The following FKRP variants were observed in gnomAD, a reference collection of about 807,000 sequenced individuals.
FKRP encodes ribitol 5-phosphate transferase FKRP.
Under a neutral mutation model 30.6 loss-of-function variants are expected in FKRP, and 25 were observed. The observed-to-expected ratio is 0.82, with a 90% CI of 0.60 to 1.14. The LOEUF is 1.14. Ranked by LOEUF, FKRP falls within the 50% of genes most tolerant of loss-of-function variation. The pLI is 0.00. For synonymous variants in FKRP, 358 were observed against 342.5 expected (o/e 1.05, Z -0.50); for missense variants, 771 against 727.8 (o/e 1.06, Z -0.68).
At position 46,746,095 on chromosome 19, in the gene FKRP, G is replaced by T; in HGVS notation, c.-253+5G>T. The T allele has an allele frequency of 7.3e-7, 1 of 1,369,236 alleles. No individual in the cohort carries two copies. The highest frequency in any genetic ancestry group is 9.4e-7 in the Non-Finnish European group (1 of 1,058,996). The allele number at this position is 1,369,236 out of a possible 1,614,324, so 84.8% of individuals were successfully genotyped here. A position where few individuals can be genotyped will look rare whatever the true frequency, so the allele number is the denominator to read the frequency against. On this transcript the variant is annotated splice_donor_5th_base_variant and intron_variant, in intron 1 of 3. Coordinates refer to ENST00000318584, the MANE Select transcript of FKRP (RefSeq NM_024301.5). ...TGGCGGCGGCGGCGGCAGCGGGTGAGGCCGGGCCGGGCCGGGCCGGGTTGG... is the reference window on the plus strand; with the variant it reads ...TGGCGGCGGCGGCGGCAGCGGGTGATGCCGGGCCGGGCCGGGCCGGGTTGG...
intron 3 of FKRP, among the ~76,000 whole-genome samples, chr19:46,755,113 T>A (rs1197061149): frequency 6.7e-6 from 1 of 149,512 alleles, no homozygotes; most frequent in African/African-American, 2.5e-5. Flanking sequence ...ATCAAACAAC[T>A]CCCCATTCCC....
At chr19:46,750,306 A>G (rs1282506830) in intron 3 of FKRP, among the ~76,000 whole-genome samples, 1 of 151,906 alleles carries the variant, frequency 6.6e-6, no homozygotes, top group Admixed American at 6.6e-5. Context: ...AGCAGGTGGC[A>G]CCTCTTCATC....
intron 3 of FKRP, among the ~76,000 whole-genome samples, chr19:46,752,415 C>T (rs2054811993): frequency 1.3e-5 from 2 of 152,160 alleles, no homozygotes; most frequent in South Asian, 4.1e-4. Flanking sequence ...GGGAGCTCCA[C>T]AAGGGCAGGA....
upstream of FKRP, chr19:46,745,950 C>G: frequency 3.7e-6 from 2 of 543,588 alleles, no homozygotes; most frequent in Non-Finnish European, 5.6e-6. Flanking sequence ...CCGTCCCGGT[C>G]CCGTCCCACC....
Position 46,757,497 on chromosome 19 carries a change from C to G in FKRP, c.*559C>G, listed in dbSNP as rs940679950. Reference sequence around the variant, plus strand: ...CCGCCACTAGAGGGCGCGCCGGTCCCGCTCCTGGTGGCCCACTGTGGCTGC... The same window carrying G: ...CCGCCACTAGAGGGCGCGCCGGTCCGGCTCCTGGTGGCCCACTGTGGCTGC... On this transcript the variant is annotated 3_prime_UTR_variant, in exon 4 of 4. Transcript: ENST00000318584. 1 of 176,832 alleles carries G rather than the reference C, an allele frequency of 5.7e-6. No individual in the cohort carries two copies. The highest frequency in any genetic ancestry group is 1.5e-4 in the South Asian group (1 of 6,724). 11.0% of individuals were successfully genotyped at this position (176,832 alleles called of 1,614,324 possible). A position where few individuals can be genotyped will look rare whatever the true frequency, so the allele number is the denominator to read the frequency against.
rs1361612580 is a variant in FKRP at position 46,757,498 on chromosome 19, G to C, written c.*560G>C. On this transcript the variant is annotated 3_prime_UTR_variant, in exon 4 of 4. Coordinates refer to ENST00000318584, the MANE Select transcript of FKRP (RefSeq NM_024301.5). ...CGCCACTAGAGGGCGCGCCGGTCCC[G>C]CTCCTGGTGGCCCACTGTGGCTGCC... The C allele has an allele frequency of 5.7e-6, 1 of 176,932 alleles. No individual in the cohort carries two copies. The highest frequency in any genetic ancestry group is 1.4e-5 in the Non-Finnish European group (1 of 73,862). The allele number at this position is 176,932 out of a possible 1,614,324, so 11.0% of individuals were successfully genotyped here. A position where few individuals can be genotyped will look rare whatever the true frequency, so the allele number is the denominator to read the frequency against.
intron 3 of FKRP, among the ~76,000 whole-genome samples, chr19:46,750,139 A>C (rs1346271799): frequency 1.3e-5 from 2 of 152,218 alleles, no homozygotes; most frequent in African/African-American, 4.8e-5. Context: ...CTCCCGATTC[A>C]GAAAAATGTA....
rs970724879 is a variant in FKRP at position 46,755,966 on chromosome 19, C to A, written c.516C>A (p.Asn172Lys). 3.9e-6 allele frequency: 6 copies of A among 1,538,782 alleles called. No homozygotes were observed. Among genetic ancestry groups the A allele is most frequent in the African/African-American group, 1.4e-5 (1 of 72,892 alleles). The change falls in exon 4 of 4, where the codon AAC becomes AAA. Residue 172 changes from asparagine (N) to lysine (K), a missense_variant. Physicochemically the swap from Asn to Lys is moderately conservative, Grantham distance 94. Transcript: ENST00000318584. ...ACCCTGCCAGGTGCCTGGCCCTGAACGTCAGCCTGCGAGAGTGGACCGCCC... is the reference window on the plus strand; with the variant it reads ...ACCCTGCCAGGTGCCTGGCCCTGAAAGTCAGCCTGCGAGAGTGGACCGCCC... ...TANPARCLAL[N>K]VSLREWTARY...
chr19:46,753,129 A>T (rs2054825989), intron 3 of FKRP, among the ~76,000 whole-genome samples: 2 of 146,106 alleles, frequency 1.4e-5, no homozygotes, highest in African/African-American at 5.1e-5. Flanking sequence ...GCACCACCGC[A>T]CTCCAGCCTG....
Position 46,746,180 on chromosome 19 carries a change from G to A in FKRP, c.-253+90G>A. 1 of 1,537,268 alleles carries A rather than the reference G, an allele frequency of 6.5e-7. No homozygotes were observed. Among genetic ancestry groups the A allele is most frequent in the Non-Finnish European group, 8.7e-7 (1 of 1,149,818 alleles). On this transcript the variant is annotated intron_variant, in intron 1 of 3. Coordinates refer to ENST00000318584, the MANE Select transcript of FKRP (RefSeq NM_024301.5). ...CTCGGCGCGCTCGGCCTCCCAGCGGGCTTTCTCGGCTTCGAAGCGCGCCCA... is the reference window on the plus strand; with the variant it reads ...CTCGGCGCGCTCGGCCTCCCAGCGGACTTTCTCGGCTTCGAAGCGCGCCCA...
At chr19:46,744,997 T>C (rs891779498), upstream of FKRP, among the ~76,000 whole-genome samples, 5 of 152,022 alleles carry the variant, frequency 3.3e-5, 1 homozygote, top group Non-Finnish European at 7.4e-5. Context: ...CACGGGGTCT[T>C]TTCCCAAGAC....
intron 3 of FKRP, among the ~76,000 whole-genome samples, chr19:46,750,145 A>T (rs1276868854): frequency 6.6e-6 from 1 of 152,198 alleles, no homozygotes; most frequent in African/African-American, 2.4e-5. Flanking sequence ...ATTCAGAAAA[A>T]TGTAGAACAT....
In FKRP at chr19:46,755,716, C is replaced by T. The variant is rs770711331; in HGVS notation, c.266C>T (p.Pro89Leu). Reference sequence around the variant, plus strand: ...GTGGCAGCCGACACGCTCCCCTACCCGCCCCTGGCCCTGCCCCGCATCCCC... The same window carrying T: ...GTGGCAGCCGACACGCTCCCCTACCTGCCCCTGGCCCTGCCCCGCATCCCC... ...VVVAADTLPYPPLALPRIPNV... is the reference protein window; with the variant it reads ...VVVAADTLPYLPLALPRIPNV... Residue 89 changes from proline (P) to leucine (L), a missense_variant, in exon 4 of 4, where the codon CCG (proline) becomes CTG (leucine). By Grantham distance (98) the Pro-to-Leu change is moderately conservative. Coordinates refer to ENST00000318584, the MANE Select transcript of FKRP (RefSeq NM_024301.5). 8.2e-6 allele frequency: 13 copies of T among 1,576,734 alleles called. No homozygotes were observed. The highest frequency in any genetic ancestry group is 2.3e-5 in the South Asian group (2 of 87,732).
intron 1 of FKRP, chr19:46,747,267 T>A (rs1187337260): frequency 6.6e-6 from 1 of 152,454 alleles, no homozygotes; most frequent in Non-Finnish European, 1.5e-5. Flanking sequence ...GTTGCTATGG[T>A]TACAGGGCCT....
intron 3 of FKRP, 89 bp from the exon 4 acceptor site, chr19:46,755,323 G>C: frequency 1.2e-6 from 1 of 820,798 alleles, no homozygotes; most frequent in Non-Finnish European, 1.8e-6. Context: ...AATTGAGAAA[G>C]AGCTGTAGAA....
intron 3 of FKRP, among the ~76,000 whole-genome samples, chr19:46,751,777 G>C (rs1344661505): frequency 6.6e-6 from 1 of 151,796 alleles, no homozygotes; most frequent in Non-Finnish European, 1.5e-5. Context: ...ATGTTGGCCA[G>C]GCTGGTCTTG....
At chr19:46,749,512 G>A (rs890379997) in intron 3 of FKRP, among the ~76,000 whole-genome samples, 1 of 150,364 alleles carries the variant, frequency 6.7e-6, no homozygotes, top group Non-Finnish European at 1.5e-5. Context: ...GGATCACGAG[G>A]TCAGGAGATT....
Position 46,755,717 on chromosome 19 carries a change from G to A in FKRP, c.267G>A (p.Pro89=), listed in dbSNP as rs774192252. 8 of 1,577,156 alleles carry A rather than the reference G, an allele frequency of 5.1e-6. No individual in the cohort carries two copies. Among genetic ancestry groups the A allele is most frequent in the Non-Finnish European group, 6.8e-6 (8 of 1,169,050 alleles). The part of the protein sequence containing the change: ...VVVAADTLPY[P]PLALPRIPNV... ...TGGCAGCCGACACGCTCCCCTACCC[G>A]CCCCTGGCCCTGCCCCGCATCCCCA... is the stretch of plus-strand genomic sequence containing the variant. Residue 89 remains proline, a synonymous_variant, in exon 4 of 4, where the codon CCG becomes CCA. Transcript: ENST00000318584.
chr19:46,745,633 C>G (rs2054572483), upstream of FKRP: 1 of 152,556 alleles, frequency 6.6e-6, no homozygotes, highest in Non-Finnish European at 1.5e-5. Context: ...CCACCTCCAA[C>G]CTGCACCTGG....
Sources: gnomAD v4.1 joint callset for allele counts (sites outside exome capture counted in the v4.1 genomes callset) on GRCh38, gnomAD v4.1.1 for gene constraint, MANE v1.5 for transcripts, NCBI Gene and HGNC (gene_info 2026-07-23, HGNC 2026-07-21) for gene names.